Variants in MDGA2 observed in about 807,000 individuals in gnomAD.
MDGA2 encodes the protein MAM domain-containing glycosylphosphatidylinositol anchor protein 2.
In MDGA2, 40 loss-of-function variants were observed where a neutral mutation model predicts 117.8. The ratio of observed to expected loss-of-function variants is 0.34; its 90% CI spans 0.26 to 0.44. MDGA2 has a LOEUF of 0.44. MDGA2 is among the 20% of genes least tolerant of loss of function. MDGA2 has a pLI of 1.00. For synonymous variants in MDGA2, 452 were observed against 439.0 expected (o/e 1.03, Z -0.37); for missense variants, 1,123 against 1,250.6 (o/e 0.90, Z 1.54).
intron 1 of MDGA2, among the ~76,000 whole-genome samples, chr14:47,642,459 G>C (rs577378523): frequency 6.6e-6 from 1 of 152,064 alleles, no homozygotes; most frequent in African/African-American, 2.4e-5. Context: ...TTCCAAAAGA[G>C]GGCTTCGAGA....
At chr14:47,287,275 C>A (rs1888719739) in intron 2 of MDGA2, among the ~76,000 whole-genome samples, 1 of 151,940 alleles carries the variant, frequency 6.6e-6, no homozygotes, top group African/African-American at 2.4e-5. Flanking sequence ...AAGGTGTTTA[C>A]TTAGTTAGCA....
chr14:47,145,030 T>C (rs1882885690), intron 3 of MDGA2, among the ~76,000 whole-genome samples: 1 of 151,966 alleles, frequency 6.6e-6, no homozygotes, highest in Non-Finnish European at 1.5e-5. Flanking sequence ...ATGATTAGAA[T>C]ATGTATAGTA....
intron 3 of MDGA2, among the ~76,000 whole-genome samples, chr14:47,185,062 A>G (rs865778960): frequency 6.5e-4 from 99 of 151,354 alleles, no homozygotes; most frequent in African/African-American, 2.1e-3. Flanking sequence ...ATAAAAGATA[A>G]ACATTTGCTT....
chr14:47,012,716 G>C (rs1887937543), intron 8 of MDGA2, among the ~76,000 whole-genome samples: 1 of 151,766 alleles, frequency 6.6e-6, no homozygotes, highest in South Asian at 2.1e-4. Flanking sequence ...TATTTCAGTG[G>C]GAAGTTTCAG....
intron 8 of MDGA2, among the ~76,000 whole-genome samples, chr14:46,977,996 T>C (rs1429904600): frequency 6.6e-6 from 1 of 151,930 alleles, no homozygotes; most frequent in East Asian, 1.9e-4. Context: ...AGTTTTTGCT[T>C]ATGGCTTAAC....
chr14:47,122,365 G>A (rs1329399021), intron 5 of MDGA2, among the ~76,000 whole-genome samples: 1 of 152,010 alleles, frequency 6.6e-6, no homozygotes, highest in African/African-American at 2.4e-5. Flanking sequence ...CTTACATGGA[G>A]GTAGGCTGGA....
chr14:47,407,767 A>G (rs1392752344), intron 1 of MDGA2, among the ~76,000 whole-genome samples: 1 of 152,162 alleles, frequency 6.6e-6, no homozygotes, highest in Non-Finnish European at 1.5e-5. Flanking sequence ...TTGTTTATTC[A>G]TTCCTGTATT....
intron 3 of MDGA2, among the ~76,000 whole-genome samples, chr14:47,208,039 T>C (rs1177696169): frequency 6.6e-6 from 1 of 152,004 alleles, no homozygotes; most frequent in East Asian, 1.9e-4. Flanking sequence ...TCAAGAATCA[T>C]TTCCTTCAAT....
intron 1 of MDGA2, among the ~76,000 whole-genome samples, chr14:47,662,028 C>A (rs889413004): frequency 3.9e-5 from 6 of 152,050 alleles, no homozygotes; most frequent in African/African-American, 1.4e-4. Context: ...TGAGCCACCG[C>A]ACCCAGCCAG....
At chr14:47,116,024 A>G (rs932408169) in intron 5 of MDGA2, among the ~76,000 whole-genome samples, 1 of 152,042 alleles carries the variant, frequency 6.6e-6, no homozygotes, top group African/African-American at 2.4e-5. Context: ...GATCTTATTT[A>G]TAGTAAGCCC....
At chr14:47,036,316 A>C (rs962430791) in intron 7 of MDGA2, among the ~76,000 whole-genome samples, 9 of 151,934 alleles carry the variant, frequency 5.9e-5, no homozygotes, top group Admixed American at 3.3e-4. Context: ...TTCTCGAGTA[A>C]AGTTAATTTC....
At chr14:47,078,762 G>T (rs1890591406) in intron 6 of MDGA2, among the ~76,000 whole-genome samples, 1 of 151,994 alleles carries the variant, frequency 6.6e-6, no homozygotes, top group Non-Finnish European at 1.5e-5. Context: ...AACTATTACT[G>T]AAAAATGATC....
chr14:47,323,145 CATGG>C (rs1890030352), intron 1 of MDGA2, among the ~76,000 whole-genome samples: 2 of 73,942 alleles, frequency 2.7e-5, no homozygotes, highest in Non-Finnish European at 5.3e-5. Context: ...AAAAAAGAGT[CATGG>C]ATATATATAT....
intron 1 of MDGA2, among the ~76,000 whole-genome samples, chr14:47,447,593 G>T (rs545209481): frequency 6.6e-6 from 1 of 152,184 alleles, no homozygotes; most frequent in South Asian, 2.1e-4. Context: ...ATTCTATGGG[G>T]GCATACAGTA....
intron 9 of MDGA2, among the ~76,000 whole-genome samples, chr14:46,951,755 C>T (rs1178623138): frequency 1.3e-5 from 2 of 151,956 alleles, no homozygotes; most frequent in East Asian, 1.9e-4. Context: ...GCCCAACCAA[C>T]AGTCTGACTG....
intron 1 of MDGA2, among the ~76,000 whole-genome samples, chr14:47,663,630 T>C (rs897510404): frequency 6.6e-6 from 1 of 152,236 alleles, no homozygotes; most frequent in Non-Finnish European, 1.5e-5. Flanking sequence ...CAGTTAATTC[T>C]AATTTAAAAA....
intron 1 of MDGA2, among the ~76,000 whole-genome samples, chr14:47,307,292 C>T (rs1240692053): frequency 6.6e-6 from 1 of 152,112 alleles, no homozygotes; most frequent in Non-Finnish European, 1.5e-5. Flanking sequence ...ATTTTTTGTG[C>T]ATACAGTCCT....
intron 1 of MDGA2, among the ~76,000 whole-genome samples, chr14:47,658,442 G>T (rs571759850): frequency 6.6e-6 from 1 of 152,132 alleles, no homozygotes; most frequent in Non-Finnish European, 1.5e-5. Context: ...ATGGGTTCTA[G>T]AAGAAGTAGT....
chr14:46,872,589 T>A (rs778132860), intron 14 of MDGA2, among the ~76,000 whole-genome samples: 29 of 151,920 alleles, frequency 1.9e-4, no homozygotes, highest in Non-Finnish European at 4.1e-4. Flanking sequence ...TGGTCTCGAG[T>A]AGAATCATAT....
Sources: gnomAD v4.1 joint callset for allele counts (sites outside exome capture counted in the v4.1 genomes callset) on GRCh38, gnomAD v4.1.1 for gene constraint, MANE v1.5 for transcripts, NCBI Gene and HGNC (gene_info 2026-07-23, HGNC 2026-07-21) for gene names.